ATP8A2: variants seen among roughly 807,000 people sequenced by gnomAD.
ATP8A2 encodes phospholipid-transporting ATPase IB.
ATP8A2 carries 100 observed loss-of-function variants against 165.6 expected under a neutral mutation model. The observed-to-expected ratio is 0.60, with a 90% CI of 0.51 to 0.71. The LOEUF is 0.71. Ranked by LOEUF, ATP8A2 falls within the 30% of genes least tolerant of loss-of-function variation. ATP8A2 has a pLI of 0.00. For missense variants in ATP8A2, 1,227 were observed against 1,479.5 expected (o/e 0.83, Z 2.80); for synonymous variants, 543 against 548.8 (o/e 0.99, Z 0.15).
At chr13:25,380,812 C>T (rs534503167) in intron 1 of ATP8A2, among the ~76,000 whole-genome samples, 1 of 152,240 alleles carries the variant, frequency 6.6e-6, no homozygotes, top group South Asian at 2.1e-4. Context: ...AGGTGAAGTT[C>T]CAGGGACTTG....
intron 33 of ATP8A2, among the ~76,000 whole-genome samples, chr13:25,870,892 A>G (rs1159937379): frequency 1.1e-4 from 16 of 152,220 alleles, no homozygotes; most frequent in African/African-American, 3.9e-4. Flanking sequence ...TTGAGCTGCA[A>G]TCTTCTGTCC....
At chr13:25,471,555 C>G (rs1235552965) in intron 2 of ATP8A2, among the ~76,000 whole-genome samples, 2 of 152,184 alleles carry the variant, frequency 1.3e-5, no homozygotes, top group African/African-American at 4.8e-5. Flanking sequence ...GTTGGCCAGG[C>G]TGGTCTCAAA....
In ATP8A2 at chr13:25,961,596, G is replaced by T. The variant is rs2296242; in HGVS notation, c.3205G>T (p.Ala1069Ser). The T allele has an allele frequency of 4.3e-6, 7 of 1,613,718 alleles. No individual in the cohort carries two copies. The Admixed American group carries it at 1.2e-4, about 27-fold the overall frequency. Reference sequence around the variant, plus strand: ...GCAGGCAACTATGGTCCTGAGCTCCGCACACTTCTGGTTGGGATTATTTCT... The same window carrying T: ...GCAGGCAACTATGGTCCTGAGCTCCTCACACTTCTGGTTGGGATTATTTCT... ...RGQATMVLSSAHFWLGLFLVP... is the reference protein window; with the variant it reads ...RGQATMVLSSSHFWLGLFLVP... Residue 1069 changes from alanine to serine, a missense_variant, in exon 34 of 37, where the codon GCA (alanine) becomes TCA (serine). Ala to Ser is a moderately conservative substitution (Grantham distance 99). Transcript: ENST00000381655.
rs1555286115 is a variant in ATP8A2, at chr13:25,892,456, T to TTCTCTCTCTCTCTGTCTCTCTGTC, written c.3183+30062_3183+30085dup. Among the ~76,000 whole-genome samples, 624 of 125,440 alleles carry TTCTCTCTCTCTCTGTCTCTCTGTC rather than the reference T, an allele frequency of 5.0e-3. 15 individuals are homozygous for TTCTCTCTCTCTCTGTCTCTCTGTC. The highest frequency in any genetic ancestry group is 0.025 in the African/African-American group (608 of 24,282). The allele number at this position is 125,440 out of a possible 152,430, so 82.3% of individuals were successfully genotyped here. ...CAATGGAAACAACAAATGGAAACAT[T>TTCTCTCTCTCTCTGTCTCTCTGTC]TCTCTCTCTCTCTGTCTCTCTGTCT... On this transcript the variant is annotated intron_variant, in intron 33 of 36. Transcript: ENST00000381655.
intron 1 of ATP8A2, among the ~76,000 whole-genome samples, chr13:25,424,523 A>G (rs796408552): frequency 1.3e-5 from 2 of 152,368 alleles, no homozygotes; most frequent in African/African-American, 4.8e-5. Flanking sequence ...ATAGGCATAT[A>G]TTTAAGTCTA....
chr13:25,531,137 G>GTGTGTATATATGT (rs141543699), intron 4 of ATP8A2, among the ~76,000 whole-genome samples: 3 of 135,520 alleles, frequency 2.2e-5, no homozygotes, highest in African/African-American at 8.5e-5. Context: ...GTGTGTGTGT[G>GTGTGTATATATGT]TATATATATG....
intron 1 of ATP8A2, among the ~76,000 whole-genome samples, chr13:25,440,630 A>G (rs945772095): frequency 6.6e-6 from 1 of 152,200 alleles, no homozygotes; most frequent in Non-Finnish European, 1.5e-5. Context: ...CTCCATAGGT[A>G]ATAGACACGT....
chr13:25,908,202 C>T (rs913716316), intron 33 of ATP8A2, among the ~76,000 whole-genome samples: 1 of 151,946 alleles, frequency 6.6e-6, no homozygotes, highest in Non-Finnish European at 1.5e-5. Flanking sequence ...TTCTTTGCTC[C>T]TATGTCTGTA....
At chr13:25,389,817 A>C (rs112879654) in intron 1 of ATP8A2, among the ~76,000 whole-genome samples, 1,605 of 152,322 alleles carry the variant, frequency 0.011, 31 homozygotes, top group African/African-American at 0.037. Context: ...GACATGTAAA[A>C]AGGAAACAGT....
rs113961771 is a variant in ATP8A2 at position 25,610,513 on chromosome 13, G to A, written c.2211+20814G>A. 1.2e-3 allele frequency among the ~76,000 whole-genome samples: 183 copies of A among 151,996 alleles called. 3 individuals are homozygous for A. Among genetic ancestry groups the A allele is most frequent in the African/African-American group, 4.0e-3 (168 of 41,488 alleles). On this transcript the variant is annotated intron_variant, in intron 24 of 36. Coordinates refer to ENST00000381655, the MANE Select transcript of ATP8A2 (RefSeq NM_016529.6). Reference sequence around the variant, plus strand: ...ATCAGTACCATGCTGTTTTGTTGACGATAGCCTTATAGTATAGTTTGAAGT... The same window carrying A: ...ATCAGTACCATGCTGTTTTGTTGACAATAGCCTTATAGTATAGTTTGAAGT...
At chr13:25,967,699 T>C (rs1955811638) in intron 34 of ATP8A2, among the ~76,000 whole-genome samples, 1 of 152,204 alleles carries the variant, frequency 6.6e-6, no homozygotes, top group Non-Finnish European at 1.5e-5. Context: ...ATAACCTATA[T>C]CTGGTTAAAT....
chr13:26,000,908 T>C (rs1377949423), intron 35 of ATP8A2, among the ~76,000 whole-genome samples: 4 of 152,186 alleles, frequency 2.6e-5, no homozygotes, highest in East Asian at 1.9e-4. Flanking sequence ...TACTATTTTA[T>C]AGTTTGCCAT....
rs1320586564 is a variant in ATP8A2 at position 25,372,567 on chromosome 13, C to T, written c.76+279C>T. On this transcript the variant is annotated intron_variant, in intron 1 of 36. Coordinates refer to ENST00000381655, the MANE Select transcript of ATP8A2 (RefSeq NM_016529.6). This position sits in a 1 kb window ranked among gnomAD's most constrained non-coding sequence, Gnocchi z 4.8. ...CTGTACAGATGTGTGTGTGTGTGTGCGGCCTCCCTGTGCGCGTGCCCGTGC... is the reference window on the plus strand; with the variant it reads ...CTGTACAGATGTGTGTGTGTGTGTGTGGCCTCCCTGTGCGCGTGCCCGTGC... Among the ~76,000 whole-genome samples, 7 of 152,148 alleles carry T rather than the reference C, an allele frequency of 4.6e-5. No homozygotes were observed. The East Asian group carries it at 1.2e-3, about 25-fold the overall frequency.
chr13:25,716,492 G>T (rs2043257986), intron 25 of ATP8A2, among the ~76,000 whole-genome samples: 1 of 152,052 alleles, frequency 6.6e-6, no homozygotes, highest in Admixed American at 6.6e-5. Context: ...GTTAGTTTTT[G>T]TATATGTTAC....
At chr13:25,791,330 A>C (rs192224987) in intron 27 of ATP8A2, among the ~76,000 whole-genome samples, 21 of 152,292 alleles carry the variant, frequency 1.4e-4, no homozygotes, top group African/African-American at 4.8e-4. Flanking sequence ...GAGCTAAATG[A>C]TAAGAACATA....
chr13:25,959,967 T>C (rs1300091369), intron 33 of ATP8A2, among the ~76,000 whole-genome samples: 1 of 152,258 alleles, frequency 6.6e-6, no homozygotes. Flanking sequence ...CTTGGTTGTT[T>C]GAAAAGGAAA....
At chr13:25,659,637 C>T (rs150999593) in intron 24 of ATP8A2, among the ~76,000 whole-genome samples, 2 of 152,108 alleles carry the variant, frequency 1.3e-5, no homozygotes, top group Admixed American at 6.5e-5. Flanking sequence ...GAAAAGCGTT[C>T]GTAGTCCTTT....
intron 25 of ATP8A2, among the ~76,000 whole-genome samples, chr13:25,733,854 A>C: frequency 5.4e-5 from 1 of 18,654 alleles, no homozygotes; most frequent in Non-Finnish European, 9.5e-5. Context: ...AAAATTATAA[A>C]CCACAAATAG....
At chr13:25,541,813 A>G (rs1004420349) in intron 8 of ATP8A2, 106 bp from the exon 9 acceptor site, 1 of 1,228,006 alleles carries the variant, frequency 8.1e-7, no homozygotes, top group Non-Finnish European at 1.1e-6. Flanking sequence ...AAATTATTGC[A>G]CTGGAGATGC....
Sources: allele counts gnomAD v4.1 joint callset (sites outside exome capture counted in the v4.1 genomes callset), GRCh38; gene constraint gnomAD v4.1.1; non-coding constraint Gnocchi (gnomAD v3.1); transcripts MANE v1.5; gene names NCBI Gene and HGNC (gene_info 2026-07-23, HGNC 2026-07-21).